SLX9: variants seen among roughly 807,000 people sequenced by gnomAD.
The protein encoded by SLX9 is SLX9 ribosome biogenesis factor.
SLX9 carries 19 observed loss-of-function variants against 20.8 expected under a neutral mutation model. That is an observed-to-expected ratio of 0.91 (90% CI 0.64 to 1.34). The LOEUF (loss-of-function observed/expected upper bound fraction) is 1.34. Ranked by LOEUF, SLX9 falls within the 40% of genes most tolerant of loss-of-function variation. The pLI, the probability that SLX9 is intolerant of heterozygous loss-of-function variation, is 0.00. For missense variants in SLX9, 299 were observed against 322.2 expected (o/e 0.93, Z 0.55); for synonymous variants, 113 against 137.1 (o/e 0.82, Z 1.23).
intron 2 of SLX9, among the ~76,000 whole-genome samples, chr21:44,946,648 C>G (rs2084647798): frequency 6.6e-6 from 1 of 152,242 alleles, no homozygotes; most frequent in Non-Finnish European, 1.5e-5. Context: ...AGGAGGCTGT[C>G]CTGTGGGAGG....
intron 5 of SLX9, among the ~76,000 whole-genome samples, chr21:44,974,847 C>A (rs2085233098): frequency 6.6e-6 from 1 of 152,248 alleles, no homozygotes; most frequent in Non-Finnish European, 1.5e-5. Flanking sequence ...TGGCCTCCCT[C>A]TCCGCCTCTC....
In SLX9 at chr21:44,967,245, G is replaced by A. The variant is rs562268598; in HGVS notation, c.500+64G>A. The A allele has an allele frequency of 1.4e-4, 215 of 1,512,092 alleles. 1 individual carries two copies. In the East Asian group the frequency reaches 4.4e-3, roughly 31 times the overall value. The allele number at this position is 1,512,092 out of a possible 1,614,324, so 93.7% of individuals were successfully genotyped here. ...GGCTGACCCGGGTCCAGAGGTGGAG[G>A]GATATGAGTGGGAGCCACGGGCCAC... is the stretch of plus-strand genomic sequence containing the variant. On this transcript the variant is annotated intron_variant, in intron 4 of 5. Coordinates refer to ENST00000291634, the MANE Select transcript of SLX9 (RefSeq NM_058190.4).
At chr21:44,947,825 A>AC (rs981255817) in intron 2 of SLX9, among the ~76,000 whole-genome samples, 1 of 151,400 alleles carries the variant, frequency 6.6e-6, no homozygotes, top group African/African-American at 2.4e-5. Context: ...GCTCTCTAAG[A>AC]CCCCCTGCAC....
chr21:44,960,080 C>T lies in SLX9; in HGVS notation c.284-20C>T. 6.2e-7 allele frequency: 1 copy of T among 1,613,754 alleles called. No individual in the cohort carries two copies. Among genetic ancestry groups the T allele is most frequent in the Non-Finnish European group, 8.5e-7 (1 of 1,179,620 alleles). On this transcript the variant is annotated intron_variant, in intron 2 of 5. Transcript: ENST00000291634. Reference sequence around the variant, plus strand: ...GCCACCTGGACACGTTTTGCTCACTCCCGTGTTCTCTTTCCTCAGGTGCAG... The same window carrying T: ...GCCACCTGGACACGTTTTGCTCACTTCCGTGTTCTCTTTCCTCAGGTGCAG...
At chr21:44,965,409 T>C (rs2085016822) in intron 3 of SLX9, among the ~76,000 whole-genome samples, 1 of 152,206 alleles carries the variant, frequency 6.6e-6, no homozygotes, top group African/African-American at 2.4e-5. Flanking sequence ...ATTGTCGATA[T>C]TGTGGTCATC....
intron 2 of SLX9, among the ~76,000 whole-genome samples, chr21:44,946,002 G>A (rs1013760864): frequency 6.6e-6 from 1 of 151,898 alleles, no homozygotes; most frequent in African/African-American, 2.4e-5. Context: ...TCAAAGTGCT[G>A]GGATTACAGG....
At chr21:44,975,535 C>T (rs555806388) in intron 5 of SLX9, among the ~76,000 whole-genome samples, 1 of 152,382 alleles carries the variant, frequency 6.6e-6, no homozygotes, top group East Asian at 1.9e-4. Flanking sequence ...TGTCACGGCT[C>T]CTTTCCTTCC....
chr21:44,973,140 G>T, intron 4 of SLX9, 57 bp from the exon 5 acceptor site: 1 of 1,596,882 alleles, frequency 6.3e-7, no homozygotes, highest in Non-Finnish European at 8.6e-7. Flanking sequence ...CTCTGCCCAC[G>T]GGAAGGTGTT....
intron 4 of SLX9, among the ~76,000 whole-genome samples, chr21:44,967,771 A>G (rs547290415): frequency 2.6e-5 from 4 of 152,264 alleles, no homozygotes; most frequent in African/African-American, 9.6e-5. Context: ...GGGCCCTGGG[A>G]CACACATCCC....
chr21:44,953,423 G>A (rs1371948781), intron 2 of SLX9, among the ~76,000 whole-genome samples: 4 of 152,176 alleles, frequency 2.6e-5, no homozygotes, highest in Non-Finnish European at 4.4e-5. Context: ...GAGCAGCACA[G>A]CCACTCCCTC....
chr21:44,967,204 C>T lies in SLX9; in HGVS notation c.500+23C>T, dbSNP rs761214738. On this transcript the variant is annotated intron_variant, in intron 4 of 5. Coordinates refer to ENST00000291634, the MANE Select transcript of SLX9 (RefSeq NM_058190.4). ...CAGGTGAGTGTCCGGGAGGGGTGGC[C>T]CTTTCCGAGCTGTGGGGCTGACCCG... 5.8e-6 allele frequency: 9 copies of T among 1,544,300 alleles called. No individual in the cohort carries two copies. The South Asian group carries it at 1.0e-4, about 17-fold the overall frequency.
intron 2 of SLX9, 151 bp from the exon 3 acceptor site, chr21:44,959,949 T>C (rs2084924677): frequency 1.5e-6 from 1 of 687,580 alleles, no homozygotes; most frequent in South Asian, 1.7e-5. Context: ...CCTGGTGCTG[T>C]CCAGAGCCGG....
At chr21:44,940,455 C>T (rs898905868) in intron 1 of SLX9, among the ~76,000 whole-genome samples, 1 of 152,232 alleles carries the variant, frequency 6.6e-6, no homozygotes, top group Non-Finnish European at 1.5e-5. Context: ...AGGGTTGCCA[C>T]GCGGACCCCA....
intron 3 of SLX9, among the ~76,000 whole-genome samples, chr21:44,966,534 G>T (rs535925115): frequency 1.3e-5 from 2 of 152,162 alleles, no homozygotes; most frequent in Non-Finnish European, 2.9e-5. Flanking sequence ...CTTCTCTAGC[G>T]TGGAGGCCTC....
At chr21:44,952,056 C>T (rs2146629328) in intron 2 of SLX9, among the ~76,000 whole-genome samples, 1 of 147,668 alleles carries the variant, frequency 6.8e-6, no homozygotes, top group Middle Eastern at 3.4e-3. Context: ...ATTAAAGTCG[C>T]CGGTTTGATT....
intron 2 of SLX9, among the ~76,000 whole-genome samples, chr21:44,958,761 C>G (rs1343184148): frequency 6.6e-6 from 1 of 152,198 alleles, no homozygotes; most frequent in African/African-American, 2.4e-5. Context: ...ATTCCAAGCC[C>G]TCTCCTCCTG....
chr21:44,972,546 G>C (rs2085170212), intron 4 of SLX9, among the ~76,000 whole-genome samples: 1 of 152,220 alleles, frequency 6.6e-6, no homozygotes, highest in Non-Finnish European at 1.5e-5. Context: ...GGGGACTGCA[G>C]TGCTCGTTGG....
At chr21:44,963,444 T>C (rs1426328606) in intron 3 of SLX9, among the ~76,000 whole-genome samples, 1 of 151,774 alleles carries the variant, frequency 6.6e-6, no homozygotes, top group Non-Finnish European at 1.5e-5. Flanking sequence ...TTATTGTGTG[T>C]GTGTATATGT....
Position 44,976,878 on chromosome 21 carries a change from A to G in SLX9, c.*75A>G. ...AGAGAGCGCCGGCCCCTCAAGGACC[A>G]TGGCCTGAGCCTGGTGGACGCCCTT... On this transcript the variant is annotated 3_prime_UTR_variant, in exon 6 of 6. Transcript: ENST00000291634. 1.3e-6 allele frequency: 2 copies of G among 1,526,292 alleles called. No individual in the cohort carries two copies. The highest frequency in any genetic ancestry group is 1.2e-5 in the South Asian group (1 of 83,000). 94.5% of individuals were successfully genotyped at this position (1,526,292 alleles called of 1,614,324 possible). A position where few individuals can be genotyped will look rare whatever the true frequency, so the allele number is the denominator to read the frequency against.
Sources: allele counts gnomAD v4.1 joint callset (sites outside exome capture counted in the v4.1 genomes callset), GRCh38; gene constraint gnomAD v4.1.1; transcripts MANE v1.5; gene names NCBI Gene and HGNC (gene_info 2026-07-23, HGNC 2026-07-21).